SYNE2: variants seen among roughly 807,000 people sequenced by gnomAD.
The protein encoded by SYNE2 is nesprin-2.
Under a neutral mutation model 856.3 loss-of-function variants are expected in SYNE2, and 431 were observed. The observed-to-expected ratio is 0.50, with a 90% confidence interval of 0.47 to 0.55. The LOEUF (loss-of-function observed/expected upper bound fraction) is 0.55. Ranked by LOEUF, SYNE2 falls within the 20% of genes least tolerant of loss-of-function variation. SYNE2 has a pLI of 0.00. For missense variants in SYNE2, 8,129 were observed against 8,023.2 expected, an observed-to-expected ratio of 1.01 and a Z score of -0.50; for synonymous variants, 2,923 against 2,872.3, an observed-to-expected ratio of 1.02 and a Z score of -0.56.
intron 94 of SYNE2, chr14:64,174,086 C>G: frequency 2.4e-6 from 1 of 421,374 alleles, no homozygotes; most frequent in East Asian, 3.9e-5. Context: ...TTTTTTTTTT[C>G]CTTGAGACAA....
intron 99 of SYNE2, chr14:64,202,318 G>T (rs1317013495): frequency 2.8e-6 from 2 of 702,066 alleles, no homozygotes. Context: ...TCCCATGAGA[G>T]GCCTTGTGGA....
chr14:63,799,687 T>G (rs1473717982), intron 1 of SYNE2, among the ~76,000 whole-genome samples: 1 of 152,168 alleles, frequency 6.6e-6, no homozygotes, highest in Non-Finnish European at 1.5e-5. Flanking sequence ...AGAGAGACTC[T>G]GTCTCAAAAA....
At chr14:63,823,195 TG>T (rs1889291364) in intron 1 of SYNE2, among the ~76,000 whole-genome samples, 1 of 151,938 alleles carries the variant, frequency 6.6e-6, no homozygotes. Context: ...TTTTTTTTTT[TG>T]AGACGGAGTT....
intron 87 of SYNE2, among the ~76,000 whole-genome samples, chr14:64,161,719 C>T (rs922669682): frequency 3.9e-5 from 5 of 127,546 alleles, no homozygotes; most frequent in South Asian, 2.6e-4. Context: ...TCCTGGGCAA[C>T]ATATCAAGGC....
chr14:64,034,839 A>C (rs1345981435), intron 45 of SYNE2, among the ~76,000 whole-genome samples: 1 of 152,072 alleles, frequency 6.6e-6, no homozygotes, highest in Non-Finnish European at 1.5e-5. Flanking sequence ...TATGGTAAAA[A>C]GTGAAGACTG....
At chr14:64,117,163 C>T (rs2097859207) in intron 66 of SYNE2, among the ~76,000 whole-genome samples, 1 of 152,072 alleles carries the variant, frequency 6.6e-6, no homozygotes, top group South Asian at 2.1e-4. Flanking sequence ...GAGTGAGTAT[C>T]CCTTATCCCC....
At chr14:63,968,157 C>T (rs1203419089) in intron 11 of SYNE2, among the ~76,000 whole-genome samples, 21 of 151,170 alleles carry the variant, frequency 1.4e-4, no homozygotes, top group Non-Finnish European at 1.9e-4. Context: ...AATGAGACTC[C>T]GTCTCAAAAA....
chr14:64,079,742 C>G (rs1825738444), intron 55 of SYNE2, among the ~76,000 whole-genome samples: 1 of 152,002 alleles, frequency 6.6e-6, no homozygotes, highest in Non-Finnish European at 1.5e-5. Context: ...AGGGTCTCAC[C>G]CTGTCACCCA....
intron 76 of SYNE2, among the ~76,000 whole-genome samples, chr14:64,130,621 A>G (rs1184874585): frequency 6.6e-6 from 1 of 152,196 alleles, no homozygotes; most frequent in East Asian, 1.9e-4. Flanking sequence ...GCAGTGGCTT[A>G]TGCTTGTAAT....
In SYNE2 at chr14:64,170,444, T is replaced by G. The variant is rs1290379127; in HGVS notation, c.17217T>G (p.Ser5739Arg). Reference sequence around the variant, plus strand: ...GCTTCAGCCTCTACCAAACCAGAAGTCTGATCCATGAGCTGAAGGTAGTGT... The same window carrying G: ...GCTTCAGCCTCTACCAAACCAGAAGGCTGATCCATGAGCTGAAGGTAGTGT... ...QERFSLYQTR[S>R]LIHELKNKEI... Residue 5739 changes from serine to arginine, a missense_variant, in exon 94 of 116, where the codon AGT (serine) becomes AGG (arginine). Physicochemically the swap from Ser to Arg is moderately radical, Grantham distance 110 (BLOSUM62 -1). This residue lies in a region of SYNE2 where 5,410 missense variants were observed against 5,284.8 expected (regional missense o/e 1.02). Coordinates refer to ENST00000555002, the MANE Select transcript of SYNE2 (RefSeq NM_182914.3). The G allele has an allele frequency of 6.2e-7, 1 of 1,612,496 alleles. No individual in the cohort carries two copies. The highest frequency in any genetic ancestry group is 1.7e-5 in the Admixed American group (1 of 59,732).
At chr14:63,833,095 G>C (rs1889728263) in intron 1 of SYNE2, among the ~76,000 whole-genome samples, 1 of 151,722 alleles carries the variant, frequency 6.6e-6, no homozygotes, top group Non-Finnish European at 1.5e-5. Context: ...TGTAATCCTA[G>C]CACTTTGGGA....
At chr14:63,978,657 T>C (rs1452482966) in intron 13 of SYNE2, among the ~76,000 whole-genome samples, 195 bp from the exon 14 acceptor site, 2 of 152,182 alleles carry the variant, frequency 1.3e-5, no homozygotes, top group East Asian at 3.8e-4. Flanking sequence ...GTTTTTACCT[T>C]AGAAATGGTT....
intron 22 of SYNE2, among the ~76,000 whole-genome samples, chr14:63,994,466 T>C (rs941961812): frequency 2.6e-5 from 4 of 152,190 alleles, no homozygotes; most frequent in Non-Finnish European, 4.4e-5. Context: ...TTTAGAATAG[T>C]TTTAGATTTA....
chr14:63,993,698 A>T, intron 21 of SYNE2, 137 bp from the exon 22 acceptor site: 1 of 751,048 alleles, frequency 1.3e-6, no homozygotes, highest in Non-Finnish European at 2.1e-6. Flanking sequence ...GTCTCCTATA[A>T]ATCTTCAGAT....
intron 13 of SYNE2, 75 bp downstream of exon 13, chr14:63,978,092 A>C: frequency 1.0e-6 from 1 of 955,996 alleles, no homozygotes; most frequent in Non-Finnish European, 1.7e-6. Context: ...AGGGACCACA[A>C]AATACAGATT....
Position 64,091,013 on chromosome 14 carries a change from GA to G in SYNE2, c.11945del (p.Asn3982MetfsTer2). On this transcript the variant is annotated frameshift_variant, in exon 60 of 116. Transcript: ENST00000555002. LOFTEE classifies it high-confidence loss of function. ...NQLLQDIKLL[E>X]NVTQEQNELL... ...GCTTTTACAAGATATAAAACTATTG[GA>G]AAATGTGACTCAAGAACAAAATGAG... 1 of 1,614,052 alleles carries G rather than the reference GA, an allele frequency of 6.2e-7. No individual in the cohort carries two copies. The highest frequency in any genetic ancestry group is 8.5e-7 in the Non-Finnish European group (1 of 1,179,946).
chr14:64,115,752 A>C (rs78412734), intron 66 of SYNE2, among the ~76,000 whole-genome samples: 5,734 of 152,284 alleles, frequency 0.038, 329 homozygotes, highest in African/African-American at 0.13. Flanking sequence ...CATTTATATA[A>C]CATAACACAA....
intron 75 of SYNE2, 22 bp downstream of exon 75, chr14:64,129,923 T>G: frequency 6.2e-7 from 1 of 1,614,104 alleles, no homozygotes; most frequent in Non-Finnish European, 8.5e-7. Context: ...CAGAAAACAT[T>G]GACTCAGCAC....
rs1337296181 is a variant in SYNE2 at position 64,065,644 on chromosome 14, T to G, written c.10425T>G (p.Ser3475Arg). The change falls in exon 51 of 116, where the codon AGT becomes AGG. Residue 3475 changes from serine (S) to arginine (R), a missense_variant. This residue lies in a region of SYNE2 where 5,410 missense variants were observed against 5,284.8 expected (regional missense o/e 1.02). Coordinates refer to ENST00000555002, the MANE Select transcript of SYNE2 (RefSeq NM_182914.3). ...EELKQEWKFV[S>R]EEIEREAIIL... ...TGAAGCAGGAATGGAAATTTGTCAG[T>G]GAAGAAGTGAGTGCTTCATTTTCAA... 1 of 1,614,100 alleles carries G rather than the reference T, an allele frequency of 6.2e-7. No individual in the cohort carries two copies. The highest frequency in any genetic ancestry group is 1.1e-5 in the South Asian group (1 of 91,066).
Sources: allele counts gnomAD v4.1 joint callset (sites outside exome capture counted in the v4.1 genomes callset), GRCh38; gene constraint gnomAD v4.1.1; regional missense constraint gnomAD v4.1.1; transcripts MANE v1.5; gene names NCBI Gene and HGNC (gene_info 2026-07-23, HGNC 2026-07-21).